SEC14L1: variants seen among roughly 807,000 people sequenced by gnomAD.
SEC14L1 encodes SEC14-like protein 1.
In SEC14L1, 48 loss-of-function variants were observed where a neutral mutation model predicts 85.3. The observed-to-expected ratio is 0.56, with a 90% CI of 0.45 to 0.72. The LOEUF is 0.72. SEC14L1 is among the 30% of genes least tolerant of loss of function. SEC14L1 has a pLI of 0.00. For missense variants in SEC14L1, 682 were observed against 921.4 expected, an observed-to-expected ratio of 0.74 and a Z score of 3.36; for synonymous variants, 391 against 355.5, an observed-to-expected ratio of 1.10 and a Z score of -1.12.
At chr17:77,114,557 A>G (rs1335586829) in intron 3 of SEC14L1, among the ~76,000 whole-genome samples, 1 of 148,974 alleles carries the variant, frequency 6.7e-6, no homozygotes, top group African/African-American at 2.5e-5. Flanking sequence ...GGCACTGGCC[A>G]GGCACAGTAG....
chr17:77,114,493 C>A (rs973651639), intron 3 of SEC14L1, among the ~76,000 whole-genome samples: 2 of 149,390 alleles, frequency 1.3e-5, no homozygotes, highest in African/African-American at 5.0e-5. Flanking sequence ...CACTGCACTC[C>A]AGCCTAGGTG....
chr17:77,140,127 A>C (rs567775735), upstream of SEC14L1, among the ~76,000 whole-genome samples: 227 of 152,314 alleles, frequency 1.5e-3, no homozygotes, highest in Middle Eastern at 3.4e-3. Flanking sequence ...CTTTCTAGTC[A>C]TGAGCTCCTC....
At chr17:77,203,151 A>G (rs1976259940) in intron 9 of SEC14L1, among the ~76,000 whole-genome samples, 1 of 152,188 alleles carries the variant, frequency 6.6e-6, no homozygotes, top group African/African-American at 2.4e-5. Context: ...TCATAGAAAA[A>G]GTGTCTGGAT....
At chr17:77,119,804 C>G (rs947222186) in intron 3 of SEC14L1, among the ~76,000 whole-genome samples, 12 of 152,158 alleles carry the variant, frequency 7.9e-5, no homozygotes, top group African/African-American at 2.9e-4. Flanking sequence ...CCTACCAGCT[C>G]CACCCACCCT....
chr17:77,112,880 G>C (rs1261258029), intron 3 of SEC14L1, among the ~76,000 whole-genome samples: 1 of 148,776 alleles, frequency 6.7e-6, no homozygotes, highest in African/African-American at 2.5e-5. Flanking sequence ...AAAAAAAAAA[G>C]AGTACTTAGG....
intron 4 of SEC14L1, 54 bp from the exon 5 acceptor site, chr17:77,191,127 C>T (rs1975512476): frequency 6.4e-7 from 1 of 1,570,662 alleles, no homozygotes; most frequent in African/African-American, 1.4e-5. Flanking sequence ...ACTATAGCTT[C>T]TGTGCTATTG....
At chr17:77,193,700 G>A in intron 6 of SEC14L1, 151 bp downstream of exon 6, 2 of 799,034 alleles carry the variant, frequency 2.5e-6, no homozygotes, top group Admixed American at 2.8e-5. Context: ...TCATCTTTAG[G>A]TATAGGGGTT....
Position 77,167,165 on chromosome 17 carries a change from T to G in SEC14L1, c.63+23506T>G, listed in dbSNP as rs550070381. ...TTTTTCCTTTTTTTTTTTTTTTTTT[T>G]GAGACAGTTTCCCAGGCCAGAGGGC... On this transcript the variant is annotated intron_variant, in intron 3 of 16. Transcript: ENST00000436233. 1.8e-3 allele frequency among the ~76,000 whole-genome samples: 225 copies of G among 127,284 alleles called. 1 individual carries two copies. The highest frequency in any genetic ancestry group is 6.6e-3 in the African/African-American group (205 of 30,904). The allele number at this position is 127,284 out of a possible 152,430, so 83.5% of individuals were successfully genotyped here. A position where few individuals can be genotyped will look rare whatever the true frequency, so the allele number is the denominator to read the frequency against.
rs181450559 is a variant in SEC14L1, at chr17:77,112,024, C to T, written c.-136+18677C>T. 8.5e-5 allele frequency among the ~76,000 whole-genome samples: 13 copies of T among 152,262 alleles called. No homozygotes were observed. In the East Asian group the frequency reaches 2.3e-3, roughly 27 times the overall value. ...ATTCCCAAGTGTCCTGGGAGGAACC[C>T]GGTGGGAGGTAACTGAATCATGGGA... On this transcript the variant is annotated intron_variant, in intron 3 of 19. Transcript: ENST00000392476.
chr17:77,101,188 T>C (rs995733991), intron 3 of SEC14L1, among the ~76,000 whole-genome samples: 2 of 152,146 alleles, frequency 1.3e-5, no homozygotes, highest in South Asian at 2.1e-4. Flanking sequence ...CTCTCTTTTT[T>C]TTTTTTGAGA....
At chr17:77,187,131 T>C (rs1346701534) in intron 3 of SEC14L1, among the ~76,000 whole-genome samples, 1 of 152,152 alleles carries the variant, frequency 6.6e-6, no homozygotes, top group Non-Finnish European at 1.5e-5. Context: ...GCTCAACCAG[T>C]AAGTATAATA....
At chr17:77,203,143 A>G (rs559190960) in intron 9 of SEC14L1, among the ~76,000 whole-genome samples, 2 of 152,298 alleles carry the variant, frequency 1.3e-5, no homozygotes, top group East Asian at 3.9e-4. Context: ...CTCTGTAGTC[A>G]TAGAAAAAGT....
chr17:77,192,800 A>G (rs1296394334), intron 5 of SEC14L1, among the ~76,000 whole-genome samples: 1 of 152,030 alleles, frequency 6.6e-6, no homozygotes, highest in African/African-American at 2.4e-5. Context: ...AGCTGGGACT[A>G]TAGGCACATG....
rs563759470 is a variant in SEC14L1 at position 77,179,135 on chromosome 17, G to GCAGA, written c.64-11667_64-11664dup. On this transcript the variant is annotated intron_variant, in intron 3 of 16. Transcript: ENST00000436233. ...ATGGAAGAAGCTCCGATGGGTTGAT[G>GCAGA]CAGAATATCTCACAGCCCTCCCGGT... 2.4e-4 allele frequency among the ~76,000 whole-genome samples: 37 copies of GCAGA among 152,336 alleles called. No individual in the cohort carries two copies. In the East Asian group the frequency reaches 7.1e-3, roughly 29 times the overall value.
chr17:77,145,690 A>G (rs1056377563), intron 3 of SEC14L1, among the ~76,000 whole-genome samples: 5 of 152,228 alleles, frequency 3.3e-5, no homozygotes, highest in Non-Finnish European at 7.3e-5. Context: ...GAGTGGGAAC[A>G]TGTATAGTGT....
At chr17:77,211,731 A>T in intron 14 of SEC14L1, 1 of 601,504 alleles carries the variant, frequency 1.7e-6, no homozygotes, top group Non-Finnish European at 2.9e-6. Context: ...TGCAGGTCAC[A>T]AAGAACACAG....
chr17:77,107,368 A>G (rs1239229299), intron 3 of SEC14L1, among the ~76,000 whole-genome samples: 1 of 152,222 alleles, frequency 6.6e-6, no homozygotes, highest in Non-Finnish European at 1.5e-5. Flanking sequence ...AAGGTCACAC[A>G]GCTATTGAGC....
chr17:77,188,527 C>T (rs1975375748), intron 3 of SEC14L1, among the ~76,000 whole-genome samples: 1 of 151,844 alleles, frequency 6.6e-6, no homozygotes, highest in South Asian at 2.1e-4. Context: ...GGCTGCAGCG[C>T]AGTCCATTTA....
chr17:77,216,675 TTTTTA>T lies in SEC14L1; in HGVS notation c.*2653_*2657del. ...CCCCTCCCAGGCTGAAGATCTGTTCTTTTTAAGTTGATTCGGGAGTGGCATTCTTT... is the reference window on the plus strand; with the variant it reads ...CCCCTCCCAGGCTGAAGATCTGTTCTAGTTGATTCGGGAGTGGCATTCTTT... On this transcript the variant is annotated 3_prime_UTR_variant, in exon 17 of 17. Coordinates refer to ENST00000436233, the MANE Select transcript of SEC14L1 (RefSeq NM_001143998.2). 6.3e-7 allele frequency: 1 copy of T among 1,589,232 alleles called. No homozygotes were observed. The highest frequency in any genetic ancestry group is 2.2e-5 in the East Asian group (1 of 44,610).
Sources: allele counts gnomAD v4.1 joint callset (sites outside exome capture counted in the v4.1 genomes callset), GRCh38; gene constraint gnomAD v4.1.1; transcripts MANE v1.5; gene names NCBI Gene and HGNC (gene_info 2026-07-23, HGNC 2026-07-21).